SPAG9: variants seen among roughly 807,000 people sequenced by gnomAD.
SPAG9 encodes the protein C-Jun-amino-terminal kinase-interacting protein 4.
SPAG9 carries 35 observed loss-of-function variants against 166.5 expected under a neutral mutation model. That is an observed-to-expected ratio of 0.21 (90% CI 0.16 to 0.28). SPAG9 has a LOEUF of 0.28. SPAG9 is among the 10% of genes least tolerant of loss of function. SPAG9 has a pLI of 1.00. For synonymous variants in SPAG9, 534 were observed against 565.5 expected (o/e 0.94, Z 0.79); for missense variants, 1,235 against 1,603.3 (o/e 0.77, Z 3.92).
At chr17:51,003,110 G>A (rs902200393) in intron 12 of SPAG9, among the ~76,000 whole-genome samples, 1 of 151,874 alleles carries the variant, frequency 6.6e-6, no homozygotes, top group Non-Finnish European at 1.5e-5. Flanking sequence ...GGGGTGGCAT[G>A]CACCTGTAGT....
At position 51,033,242 on chromosome 17, in the gene SPAG9, A is replaced by C. The variant is rs1041385067; in HGVS notation, c.742-1520T>G. ...TCTTTAATCATTCTCTTCATCAAAA[A>C]CTAGGTAAAAACTTGGGTAGCTCTC... On this transcript the variant is annotated intron_variant, in intron 5 of 29. Transcript: ENST00000262013. Among the ~76,000 whole-genome samples, 28 of 151,766 alleles carry C rather than the reference A, an allele frequency of 1.8e-4. 1 individual carries two copies. Among genetic ancestry groups the C allele is most frequent in the African/African-American group, 6.0e-4 (25 of 41,340 alleles).
At position 51,120,356 on chromosome 17, in the gene SPAG9, C is replaced by T. The variant is rs2049444612; in HGVS notation, c.301G>A (p.Glu101Lys). Residue 101 changes from glutamate (E) to lysine (K), a missense_variant and splice_region_variant, in exon 1 of 30, where the codon GAG becomes AAG. By Grantham distance (56) the Glu-to-Lys change is moderately conservative (BLOSUM62 1). Around this residue, in one of 6 missense-constraint regions of SPAG9, gnomAD observed 83 missense variants for 149.8 expected, o/e 0.55. Transcript: ENST00000262013. This position sits in a 1 kb window ranked among gnomAD's most constrained non-coding sequence, Gnocchi z 4.7. ...CCCCGCCCTGCCGCCGGCCTCACCT[C>T]CTCAGCGTGCTTGCGCAGCGCCTTC... The part of the protein sequence containing the change: ...REKALRKHAE[E>K]KFIEFEDSQE... 1 of 1,586,994 alleles carries T rather than the reference C, an allele frequency of 6.3e-7. No homozygotes were observed. Among genetic ancestry groups the T allele is most frequent in the Non-Finnish European group, 8.6e-7 (1 of 1,169,282 alleles).
In SPAG9 at chr17:50,990,676, A is replaced by G; in HGVS notation, c.2399-8T>C. 2 of 1,609,948 alleles carry G rather than the reference A, an allele frequency of 1.2e-6. No individual in the cohort carries two copies. Among genetic ancestry groups the G allele is most frequent in the Non-Finnish European group, 1.7e-6 (2 of 1,176,192 alleles). Reference sequence around the variant, plus strand: ...AGTCTGTTTCTCGTGCACCTGAAAAATAAATCTTCTTGTAACAGCAAAGTA... The same window carrying G: ...AGTCTGTTTCTCGTGCACCTGAAAAGTAAATCTTCTTGTAACAGCAAAGTA... On this transcript the variant is annotated splice_polypyrimidine_tract_variant and splice_region_variant and intron_variant, in intron 19 of 29. Transcript: ENST00000262013.
At chr17:51,003,672 C>T (rs949229698) in intron 12 of SPAG9, among the ~76,000 whole-genome samples, 6 of 152,162 alleles carry the variant, frequency 3.9e-5, no homozygotes, top group African/African-American at 1.4e-4. Flanking sequence ...TTTCATTATC[C>T]ACATTTTGGA....
chr17:50,990,155 G>A (rs913376079), intron 20 of SPAG9: 14 of 518,292 alleles, frequency 2.7e-5, no homozygotes, highest in Middle Eastern at 5.3e-4. Context: ...AGCCTCCCGA[G>A]TAGCTGGGAC....
Position 51,047,250 on chromosome 17 carries a change from A to T in SPAG9, c.590+125T>A, listed in dbSNP as rs182484206. 2.5e-4 allele frequency: 151 copies of T among 602,750 alleles called. 1 individual carries two copies. In the East Asian group the frequency reaches 4.4e-3, roughly 17 times the overall value. The allele number at this position is 602,750 out of a possible 1,614,324, so 37.3% of individuals were successfully genotyped here. A position where few individuals can be genotyped will look rare whatever the true frequency, so the allele number is the denominator to read the frequency against. On this transcript the variant is annotated intron_variant, in intron 4 of 29. Coordinates refer to ENST00000262013, the MANE Select transcript of SPAG9 (RefSeq NM_001130528.3). ...TGCTATTCTCTCCTGCAGCATTCCA[A>T]CCACAGTGGAGAGCTTTTTGAATCA...
intron 1 of SPAG9, among the ~76,000 whole-genome samples, chr17:51,108,305 T>C (rs1260549138): frequency 6.7e-6 from 1 of 150,214 alleles, no homozygotes; most frequent in East Asian, 2.0e-4. Flanking sequence ...AAGAATCACT[T>C]GAACCCAGGA....
intron 2 of SPAG9, among the ~76,000 whole-genome samples, chr17:51,077,084 AGC>A (rs1491115603): frequency 3.6e-4 from 42 of 115,110 alleles, no homozygotes; most frequent in African/African-American, 1.2e-3. Context: ...CTAGCTATCT[AGC>A]TAGCTATCTA....
chr17:51,119,319 G>A lies in SPAG9; in HGVS notation c.303+1035C>T, dbSNP rs144554909. Among the ~76,000 whole-genome samples the A allele has an allele frequency of 4.1e-4, 62 of 152,040 alleles. No homozygotes were observed. The East Asian group carries it at 9.5e-3, about 23-fold the overall frequency. ...CATTCCTTCAATAATTAGTTATTTCGCCTCCTTTGATCACCATGTATTTAA... is the reference window on the plus strand; with the variant it reads ...CATTCCTTCAATAATTAGTTATTTCACCTCCTTTGATCACCATGTATTTAA... On this transcript the variant is annotated intron_variant, in intron 1 of 29. Transcript: ENST00000262013.
chr17:51,103,329 A>G (rs1404300646), intron 1 of SPAG9, among the ~76,000 whole-genome samples: 2 of 152,214 alleles, frequency 1.3e-5, no homozygotes, highest in Non-Finnish European at 2.9e-5. Flanking sequence ...AAGTGCTACA[A>G]GAGGGCAAGA....
intron 2 of SPAG9, among the ~76,000 whole-genome samples, chr17:51,077,049 T>TCTAG (rs367746645): frequency 0.021 from 1,518 of 71,424 alleles, 41 homozygotes; most frequent in South Asian, 0.038. Context: ...TATCTAGCTA[T>TCTAG]CTAGCTAGCT....
At chr17:50,971,079 G>A (rs756818886) in intron 28 of SPAG9, among the ~76,000 whole-genome samples, 6 of 152,228 alleles carry the variant, frequency 3.9e-5, no homozygotes, top group Admixed American at 6.5e-5. Flanking sequence ...TCGAGAGGCC[G>A]AAGTGGGAGA....
chr17:51,072,350 G>A (rs201405452), intron 2 of SPAG9, among the ~76,000 whole-genome samples: 1 of 150,168 alleles, frequency 6.7e-6, no homozygotes, highest in Non-Finnish European at 1.5e-5. Flanking sequence ...GGGATTACAG[G>A]CGTGAGCCAC....
At chr17:51,039,333 T>G (rs1291902680) in intron 5 of SPAG9, among the ~76,000 whole-genome samples, 1 of 152,138 alleles carries the variant, frequency 6.6e-6, no homozygotes, top group East Asian at 1.9e-4. Flanking sequence ...AGCCCACAAG[T>G]GAATCCTAAA....
intron 25 of SPAG9, among the ~76,000 whole-genome samples, chr17:50,981,503 T>C (rs1974615199): frequency 6.8e-6 from 1 of 148,112 alleles, no homozygotes; most frequent in Admixed American, 6.7e-5. Flanking sequence ...GATAGATAGA[T>C]AGATAGATAG....
At chr17:51,047,620 T>C in intron 3 of SPAG9, 151 bp from the exon 4 acceptor site, 1 of 396,334 alleles carries the variant, frequency 2.5e-6, no homozygotes. Context: ...ATGAAAAAAA[T>C]TTTAAGGGAA....
intron 1 of SPAG9, among the ~76,000 whole-genome samples, chr17:51,086,597 G>A (rs974160464): frequency 1.3e-4 from 20 of 152,076 alleles, no homozygotes; most frequent in South Asian, 2.1e-4. Context: ...AGGCTGTAAT[G>A]AGCCGACATC....
chr17:50,973,461 G>A (rs1370242671), intron 28 of SPAG9, among the ~76,000 whole-genome samples: 2 of 152,050 alleles, frequency 1.3e-5, no homozygotes. Flanking sequence ...TACAAATGAG[G>A]TTTCAGAAAG....
At chr17:51,020,005 C>T (rs945327974) in intron 8 of SPAG9, among the ~76,000 whole-genome samples, 154 bp downstream of exon 8, 2 of 152,106 alleles carry the variant, frequency 1.3e-5, no homozygotes, top group African/African-American at 4.8e-5. Flanking sequence ...AAACCATGTA[C>T]AGTGTCCAGT....
Sources: gnomAD v4.1 joint callset for allele counts (sites outside exome capture counted in the v4.1 genomes callset) on GRCh38, gnomAD v4.1.1 for gene constraint, gnomAD v4.1.1 regional missense constraint, Gnocchi (gnomAD v3.1) non-coding constraint, MANE v1.5 for transcripts, NCBI Gene and HGNC (gene_info 2026-07-23, HGNC 2026-07-21) for gene names.